Variants in PRRC2B observed in about 807,000 individuals in gnomAD.
PRRC2B encodes protein PRRC2B.
A neutral mutation model predicts 242.3 loss-of-function variants in PRRC2B; 68 were observed. The observed-to-expected ratio is 0.28, with a 90% CI of 0.23 to 0.34. The LOEUF (loss-of-function observed/expected upper bound fraction) is 0.34, where lower values mean the gene tolerates loss of function less well. Ranked by LOEUF, PRRC2B falls within the 10% of genes least tolerant of loss-of-function variation. The pLI is 1.00. For synonymous variants in PRRC2B, 1,228 were observed against 1,173.6 expected (o/e 1.05, Z -0.95); for missense variants, 2,835 against 2,954.8 (o/e 0.96, Z 0.94).
At chr9:131,459,069 C>T (rs750139008) in intron 10 of PRRC2B, 95 bp from the exon 11 acceptor site, 14 of 1,078,948 alleles carry the variant, frequency 1.3e-5, no homozygotes, top group Non-Finnish European at 1.6e-5. Context: ...ATGATTTGGA[C>T]AGCTGACTTG....
chr9:131,404,216 CTTTT>C (rs34149279), intron 1 of PRRC2B, among the ~76,000 whole-genome samples: 9 of 127,028 alleles, frequency 7.1e-5, no homozygotes, highest in Admixed American at 8.0e-5. Context: ...TCCCAGTTGA[CTTTT>C]TTTTTTTTTT....
intron 1 of PRRC2B, among the ~76,000 whole-genome samples, chr9:131,406,252 A>C (rs576166997): frequency 7.2e-5 from 11 of 152,222 alleles, no homozygotes; most frequent in African/African-American, 2.4e-4. Context: ...CAGTCACCTT[A>C]ACTAGCAAGG....
chr9:131,466,191 C>T (rs754259154), intron 12 of PRRC2B, among the ~76,000 whole-genome samples: 3 of 152,218 alleles, frequency 2.0e-5, no homozygotes, highest in East Asian at 1.9e-4. Flanking sequence ...GAAAGCTTCT[C>T]GGGTTAGAGA....
chr9:131,490,698 G>A lies in PRRC2B; in HGVS notation c.6226-727G>A, dbSNP rs1014964372. 70 of 455,040 alleles carry A rather than the reference G, an allele frequency of 1.5e-4. 1 individual carries two copies. Among genetic ancestry groups the A allele is most frequent in the South Asian group, 7.9e-4 (50 of 63,202 alleles). The allele number at this position is 455,040 out of a possible 1,614,324, so 28.2% of individuals were successfully genotyped here. A position where few individuals can be genotyped will look rare whatever the true frequency, so the allele number is the denominator to read the frequency against. The stretch of plus-strand genomic sequence containing the variant: ...CTGCAGCTACCCTGTTCTCCTGTCA[G>A]CATGCTTCAAAGGACCCCCACAGTC... On this transcript the variant is annotated intron_variant, in intron 28 of 31. Transcript: ENST00000683519.
At chr9:131,444,559 C>G (rs980181929) in intron 6 of PRRC2B, among the ~76,000 whole-genome samples, 1 of 152,136 alleles carries the variant, frequency 6.6e-6, no homozygotes, top group Non-Finnish European at 1.5e-5. Flanking sequence ...GTCCCCTCCC[C>G]CTCTGTCATC....
Position 131,462,596 on chromosome 9 carries a change from T to G in PRRC2B, c.1405-2167T>G, listed in dbSNP as rs181928527. On this transcript the variant is annotated intron_variant, in intron 11 of 31. Transcript: ENST00000683519. ...GGCTCACACCTGTAATCCCAGCACT[T>G]TGGGAGGCCGAGGCGGGTGGATCAC... 1.7e-3 allele frequency among the ~76,000 whole-genome samples: 257 copies of G among 150,406 alleles called. 8 individuals carry two copies. The highest frequency in any genetic ancestry group is 0.015 in the Admixed American group (224 of 15,076).
At chr9:131,383,634 C>T (rs1444233309) in intron 1 of PRRC2B, among the ~76,000 whole-genome samples, 1 of 144,052 alleles carries the variant, frequency 6.9e-6, no homozygotes, top group Non-Finnish European at 1.5e-5. Flanking sequence ...CAGAGTCTCG[C>T]CCTGTCACCC....
upstream of PRRC2B, among the ~76,000 whole-genome samples, chr9:131,393,742 G>C (rs1198893673): frequency 7.9e-6 from 1 of 126,684 alleles, no homozygotes; most frequent in Non-Finnish European, 1.6e-5. Flanking sequence ...GGCCCAGGCC[G>C]GGCCCATGCC....
In PRRC2B at chr9:131,420,453, T is replaced by TTCTC. The variant is rs1554758580; in HGVS notation, c.-51-9640_-51-9639insCTCT. 6.1e-4 allele frequency among the ~76,000 whole-genome samples: 37 copies of TTCTC among 61,050 alleles called. No individual in the cohort carries two copies. In the South Asian group the frequency reaches 0.015, roughly 25 times the overall value. The allele number at this position is 61,050 out of a possible 152,430, so 40.1% of individuals were successfully genotyped here. A position where few individuals can be genotyped will look rare whatever the true frequency, so the allele number is the denominator to read the frequency against. Reference sequence around the variant, plus strand: ...TTTTCTTTTTTCTTTTTCTTTTTCTTTTTCTTTCTTTCTTTCTTTCTTTCT... The same window carrying TTCTC: ...TTTTCTTTTTTCTTTTTCTTTTTCTTTCTCTTTCTTTCTTTCTTTCTTTCTTTCT... On this transcript the variant is annotated intron_variant, in intron 1 of 31. Coordinates refer to ENST00000683519, the MANE Select transcript of PRRC2B (RefSeq NM_013318.4).
At chr9:131,386,892 C>G (rs1368864166) in intron 1 of PRRC2B, among the ~76,000 whole-genome samples, 1 of 150,062 alleles carries the variant, frequency 6.7e-6, no homozygotes, top group Non-Finnish European at 1.5e-5. Context: ...GGTCCCACAA[C>G]AGGCTGGCTG....
intron 1 of PRRC2B, among the ~76,000 whole-genome samples, chr9:131,401,385 C>CTT (rs1320362682): frequency 4.3e-5 from 6 of 139,080 alleles, no homozygotes; most frequent in East Asian, 2.1e-4. Flanking sequence ...ATTCTTTCTC[C>CTT]TTTTTTTTTT....
chr9:131,396,873 G>A (rs1256085450), intron 1 of PRRC2B, among the ~76,000 whole-genome samples: 3 of 152,110 alleles, frequency 2.0e-5, no homozygotes, highest in African/African-American at 7.2e-5. Context: ...CCACAAGTGA[G>A]GACTGAGACC....
intron 12 of PRRC2B, 110 bp from the exon 13 acceptor site, chr9:131,467,453 C>G (rs886869830): frequency 5.8e-5 from 56 of 957,520 alleles, no homozygotes; most frequent in Admixed American, 1.1e-4. Flanking sequence ...CGTGACTGTT[C>G]TAGCAGTGGA....
intron 1 of PRRC2B, among the ~76,000 whole-genome samples, chr9:131,378,431 A>T (rs949424387): frequency 4.6e-5 from 7 of 151,894 alleles, no homozygotes; most frequent in African/African-American, 1.7e-4. Flanking sequence ...ATGACACACC[A>T]TTGGGGCCCA....
intron 17 of PRRC2B, 101 bp from the exon 18 acceptor site, chr9:131,478,373 C>G: frequency 8.7e-7 from 1 of 1,154,650 alleles, no homozygotes; most frequent in Admixed American, 2.0e-5. Context: ...GTCCAGGTTT[C>G]TGTCGAGCCT....
chr9:131,487,867 A>T lies in PRRC2B; in HGVS notation c.5996A>T (p.Tyr1999Phe). The change falls in exon 28 of 32, where the codon TAC (tyrosine) becomes TTC (phenylalanine). Residue 1999 changes from tyrosine (Y) to phenylalanine (F), a missense_variant. By Grantham distance (22) the Tyr-to-Phe change is conservative. This residue lies in a region of PRRC2B where 574 missense variants were observed against 626.0 expected (regional missense o/e 0.92). Coordinates refer to ENST00000683519, the MANE Select transcript of PRRC2B (RefSeq NM_013318.4). The surrounding 1 kb of genome is among the most constrained non-coding windows in gnomAD (Gnocchi z 5.3). Reference protein sequence around the residue: ...SSLQPFRSQVYMHPSLSPPST... With the variant: ...SSLQPFRSQVFMHPSLSPPST... ...TCTGGCTTTTGCAGATCTCAGGTGTACATGCACCCCAGCCTGTCACCGCCC... is the reference window on the plus strand; with the variant it reads ...TCTGGCTTTTGCAGATCTCAGGTGTTCATGCACCCCAGCCTGTCACCGCCC... 1.2e-6 allele frequency: 2 copies of T among 1,610,900 alleles called. No homozygotes were observed. The highest frequency in any genetic ancestry group is 1.7e-6 in the Non-Finnish European group (2 of 1,177,488).
chr9:131,463,497 C>A (rs986810558), intron 11 of PRRC2B, among the ~76,000 whole-genome samples: 2 of 152,062 alleles, frequency 1.3e-5, no homozygotes, highest in African/African-American at 4.8e-5. Context: ...AGCTGTCCAT[C>A]ATTTGTCCTG....
chr9:131,462,352 A>G (rs1387765094), intron 11 of PRRC2B, among the ~76,000 whole-genome samples: 1 of 152,070 alleles, frequency 6.6e-6, no homozygotes, highest in African/African-American at 2.4e-5. Flanking sequence ...AGCTGGGATT[A>G]TAGGCATGTG....
chr9:131,397,815 T>C (rs1170690819), intron 1 of PRRC2B, among the ~76,000 whole-genome samples: 1 of 152,182 alleles, frequency 6.6e-6, no homozygotes, highest in Non-Finnish European at 1.5e-5. Context: ...AGCCTATCTA[T>C]ACTAGATTTT....
Sources: allele counts gnomAD v4.1 joint callset (sites outside exome capture counted in the v4.1 genomes callset), GRCh38; gene constraint gnomAD v4.1.1; regional missense constraint gnomAD v4.1.1; non-coding constraint Gnocchi (gnomAD v3.1); transcripts MANE v1.5; gene names NCBI Gene and HGNC (gene_info 2026-07-23, HGNC 2026-07-21).